Variants in APOL5 observed in about 807,000 individuals in gnomAD.
The protein encoded by APOL5 is apolipoprotein L, 5.
In APOL5, 29 loss-of-function variants were observed where a neutral mutation model predicts 35.5. That is an observed-to-expected ratio of 0.82 (90% CI 0.61 to 1.11). The LOEUF is 1.11. Ranked by LOEUF, APOL5 falls within the 50% of genes most tolerant of loss-of-function variation. The pLI is 0.00. For synonymous variants in APOL5, 188 were observed against 200.2 expected (o/e 0.94, Z 0.51); for missense variants, 514 against 530.4 (o/e 0.97, Z 0.30).
At chr22:35,717,738 C>CATAAAAAA (rs1926802607), upstream of APOL5, 1 of 156,854 alleles carries the variant, frequency 6.4e-6, no homozygotes, top group Non-Finnish European at 1.0e-5. Flanking sequence ...AGCTCCATCG[C>CATAAAAAA]AAAAAAAAAA....
intron 3 of APOL5, 46 bp downstream of exon 3, chr22:35,727,240 A>G: frequency 6.4e-7 from 1 of 1,555,384 alleles, no homozygotes; most frequent in Non-Finnish European, 8.6e-7. Flanking sequence ...CTCTTCTAAA[A>G]GCTTACCATG....
intron 1 of APOL5, among the ~76,000 whole-genome samples, chr22:35,719,319 G>GTGTC (rs1285341117): frequency 2.0e-5 from 3 of 152,272 alleles, no homozygotes; most frequent in Admixed American, 1.3e-4. Flanking sequence ...GTGAGAGAGA[G>GTGTC]TGTCTGAACA....
chr22:35,710,753 G>T, the APOL5 span, among the ~76,000 whole-genome samples: 1 of 152,082 alleles, frequency 6.6e-6, no homozygotes, highest in East Asian at 1.9e-4. Flanking sequence ...CTAGCTTCAT[G>T]AATTTGACTA....
At chr22:35,709,616 A>G in the APOL5 span, among the ~76,000 whole-genome samples, 1 of 152,020 alleles carries the variant, frequency 6.6e-6, no homozygotes, top group East Asian at 1.9e-4. Context: ...TATTTCTTCA[A>G]TTTTATCTTT....
chr22:35,717,695 C>T (rs1452362209), upstream of APOL5, among the ~76,000 whole-genome samples: 2 of 137,276 alleles, frequency 1.5e-5, no homozygotes, highest in Non-Finnish European at 3.0e-5. Flanking sequence ...ACTGAGACTG[C>T]ACCACTGCAC....
At chr22:35,723,932 G>A (rs866273457) in intron 2 of APOL5, among the ~76,000 whole-genome samples, 11 of 152,128 alleles carry the variant, frequency 7.2e-5, no homozygotes, top group South Asian at 2.1e-4. Context: ...ACTCCAGCCC[G>A]GGCAATAGAG....
upstream of APOL5, among the ~76,000 whole-genome samples, chr22:35,713,632 G>T (rs1304431542): frequency 6.6e-6 from 1 of 152,186 alleles, no homozygotes; most frequent in Non-Finnish European, 1.5e-5. Flanking sequence ...TTTAGGAGGG[G>T]AAGCTGCCTC....
chr22:35,720,251 C>A (rs1430927667), intron 1 of APOL5, among the ~76,000 whole-genome samples: 1 of 152,242 alleles, frequency 6.6e-6, no homozygotes, highest in Non-Finnish European at 1.5e-5. Context: ...CACTTCCCTG[C>A]CTGCTCCCAT....
intron 1 of APOL5, among the ~76,000 whole-genome samples, chr22:35,719,924 A>C (rs2079724586): frequency 6.6e-6 from 1 of 152,090 alleles, no homozygotes; most frequent in Non-Finnish European, 1.5e-5. Flanking sequence ...CAGAAAGGGG[A>C]TGGAGTGGGA....
chr22:35,721,075 A>G (rs1168978091), intron 2 of APOL5, among the ~76,000 whole-genome samples: 2 of 152,114 alleles, frequency 1.3e-5, no homozygotes, highest in African/African-American at 4.8e-5. Flanking sequence ...AAGGAATAAA[A>G]TCTGATTGTT....
upstream of APOL5, among the ~76,000 whole-genome samples, chr22:35,717,235 A>T (rs4821436): frequency 0.31 from 17,886 of 58,224 alleles, 3,565 homozygotes; most frequent in Admixed American, 0.48. Flanking sequence ...AAAAAAAAAA[A>T]ATATATATAT....
At chr22:35,723,549 G>A (rs1458574456) in intron 2 of APOL5, among the ~76,000 whole-genome samples, 1 of 152,174 alleles carries the variant, frequency 6.6e-6, no homozygotes, top group Non-Finnish European at 1.5e-5. Flanking sequence ...TTTCCCAGTT[G>A]TGCCTTTTTT....
chr22:35,717,235 A>AAAAAAAAAAAAAAAAATATATATATAT, upstream of APOL5, among the ~76,000 whole-genome samples: 7 of 57,656 alleles, frequency 1.2e-4, no homozygotes, highest in Non-Finnish European at 2.2e-4. Context: ...AAAAAAAAAA[A>AAAAAAAAAAAAAAAAATATATATATAT]ATATATATAT....
upstream of APOL5, among the ~76,000 whole-genome samples, chr22:35,716,549 AC>A (rs1926749523): frequency 6.6e-6 from 1 of 152,230 alleles, no homozygotes; most frequent in South Asian, 2.1e-4. Context: ...GGCGTGAGCC[AC>A]CGTGCCTGGC....
At position 35,726,966 on chromosome 22, in the gene APOL5, G is replaced by T; in HGVS notation, c.898G>T (p.Gly300Cys). 6.2e-7 allele frequency: 1 copy of T among 1,614,176 alleles called. No homozygotes were observed. Among genetic ancestry groups the T allele is most frequent in the Non-Finnish European group, 8.5e-7 (1 of 1,180,020 alleles). The change falls in exon 3 of 5, where the codon GGC becomes TGC. Residue 300 changes from glycine to cysteine, a missense_variant. Coordinates refer to ENST00000249044, the MANE Select transcript of APOL5 (RefSeq NM_030642.1). ...CTGGGTGATGGGTGCTGCTGGGGCT[G>T]GCTTCTTACTTATGAAAGACATGAG... ...GAWVMGAAGA[G>C]FLLMKDMSSF... is the part of the protein sequence containing the mutation.
rs66570810 is a variant in APOL5 at position 35,720,447 on chromosome 22, C to CTAACTTT, written c.56-120_56-119insAACTTTT. 2.3e-5 allele frequency: 14 copies of CTAACTTT among 615,396 alleles called. No individual in the cohort carries two copies. The African/African-American group carries it at 3.0e-4, about 13-fold the overall frequency. 38.1% of individuals were successfully genotyped at this position (615,396 alleles called of 1,614,324 possible). A position where few individuals can be genotyped will look rare whatever the true frequency, so the allele number is the denominator to read the frequency against. On this transcript the variant is annotated intron_variant, in intron 1 of 4. Transcript: ENST00000249044. The stretch of plus-strand genomic sequence containing the variant: ...GAGACATTAAGATTTTTGTTGTATT[C>CTAACTTT]TTTTTTTTTTCTAATTCTCCAATAT...
chr22:35,727,430 C>T (rs1488509202), intron 3 of APOL5, among the ~76,000 whole-genome samples: 1 of 152,178 alleles, frequency 6.6e-6, no homozygotes, highest in Non-Finnish European at 1.5e-5. Flanking sequence ...CTTGAAATCC[C>T]ATATTTGTGT....
In APOL5 at chr22:35,726,722, A is replaced by C. The variant is rs145955691; in HGVS notation, c.654A>C (p.Ile218=). 18 of 1,614,106 alleles carry C rather than the reference A, an allele frequency of 1.1e-5. No individual in the cohort carries two copies. In the African/African-American group the frequency reaches 1.9e-4, roughly 17 times the overall value. ...LTTSHEAFGG[I]NWSEIEAAGF... ...CATCACATGAGGCTTTCGGAGGAAT[A>C]AATTGGTCTGAAATCGAGGCTGCTG... Residue 218 remains isoleucine, a synonymous_variant, in exon 3 of 5, where the codon ATA becomes ATC. Transcript: ENST00000249044.
Position 35,726,716 on chromosome 22 carries a change from A to G in APOL5, c.648A>G (p.Gly216=), listed in dbSNP as rs965195716. 5.6e-6 allele frequency: 9 copies of G among 1,614,226 alleles called. No homozygotes were observed. Among genetic ancestry groups the G allele is most frequent in the Non-Finnish European group, 6.8e-6 (8 of 1,180,038 alleles). ...GPLTTSHEAF[G]GINWSEIEAA... The stretch of plus-strand genomic sequence containing the variant: ...TGACAACATCACATGAGGCTTTCGG[A>G]GGAATAAATTGGTCTGAAATCGAGG... The change falls in exon 3 of 5, where the codon GGA becomes GGG. Residue 216 remains glycine (G), a synonymous_variant. Transcript: ENST00000249044.
Sources: allele counts gnomAD v4.1 joint callset (sites outside exome capture counted in the v4.1 genomes callset), GRCh38; gene constraint gnomAD v4.1.1; transcripts MANE v1.5; gene names NCBI Gene and HGNC (gene_info 2026-07-23, HGNC 2026-07-21).